The following LRRC7 variants were observed in gnomAD, a reference collection of about 807,000 sequenced individuals.
LRRC7 encodes the protein leucine-rich repeat-containing protein 7.
In LRRC7, 23 loss-of-function variants were observed where a neutral mutation model predicts 175.7. The ratio of observed to expected loss-of-function variants is 0.13; its 90% CI spans 0.09 to 0.19. The LOEUF (loss-of-function observed/expected upper bound fraction) is 0.19. Ranked by LOEUF, LRRC7 falls within the 10% of genes least tolerant of loss-of-function variation. The pLI, the probability that LRRC7 is intolerant of heterozygous loss-of-function variation, is 1.00. For synonymous variants in LRRC7, 685 were observed against 680.9 expected (o/e 1.01, Z -0.09); for missense variants, 1,354 against 1,904.7 (o/e 0.71, Z 5.38).
At chr1:69,581,363 A>G (rs1646194107) in intron 1 of LRRC7, among the ~76,000 whole-genome samples, 3 of 152,316 alleles carry the variant, frequency 2.0e-5, no homozygotes, top group Admixed American at 2.0e-4. Flanking sequence ...GGAAATGGAA[A>G]GAGATAGATG....
chr1:69,848,949 A>T (rs1216479462), intron 7 of LRRC7, among the ~76,000 whole-genome samples: 2 of 152,052 alleles, frequency 1.3e-5, no homozygotes, highest in Non-Finnish European at 2.9e-5. Context: ...TCATTTTCTT[A>T]CCAAACTAAT....
intron 1 of LRRC7, among the ~76,000 whole-genome samples, chr1:69,570,679 GT>G (rs1286158079): frequency 1.3e-5 from 2 of 150,678 alleles, no homozygotes; most frequent in African/African-American, 5.0e-5. Context: ...TTTGTTTGTT[GT>G]TTTTTGTTTG....
At position 70,038,303 on chromosome 1, in the gene LRRC7, G is replaced by T; in HGVS notation, c.2479G>T (p.Ala827Ser). The T allele has an allele frequency of 1.9e-6, 3 of 1,614,120 alleles. No homozygotes were observed. The highest frequency in any genetic ancestry group is 2.2e-5 in the South Asian group (2 of 91,080). The part of the protein sequence containing the change: ...FVAEETTAEN[A>S]NSNPLLSSKS... ...TGCTGAGGAAACCACAGCCGAGAATGCCAACAGTAATCCTCTCTTAAGTTC... is the reference window on the plus strand; with the variant it reads ...TGCTGAGGAAACCACAGCCGAGAATTCCAACAGTAATCCTCTCTTAAGTTC... Residue 827 changes from alanine to serine, a missense_variant, in exon 21 of 27, where the codon GCC becomes TCC. Ala to Ser is a moderately conservative substitution (Grantham distance 99). Transcript: ENST00000651989.
chr1:69,803,777 C>T (rs908737931), intron 4 of LRRC7, among the ~76,000 whole-genome samples: 2 of 151,146 alleles, frequency 1.3e-5, no homozygotes, highest in African/African-American at 4.8e-5. Context: ...CTTCATCATA[C>T]TGTTTTTTTA....
chr1:70,113,083 G>A (rs930727354), intron 26 of LRRC7, among the ~76,000 whole-genome samples: 2 of 152,174 alleles, frequency 1.3e-5, no homozygotes, highest in African/African-American at 4.8e-5. Flanking sequence ...TCAAGGCTCA[G>A]AATGGGAGAG....
intron 2 of LRRC7, among the ~76,000 whole-genome samples, chr1:69,699,824 G>A (rs1448151857): frequency 6.6e-6 from 1 of 152,152 alleles, no homozygotes. Context: ...ATGCAGCCGG[G>A]TAGCCTCGCA....
intron 7 of LRRC7, among the ~76,000 whole-genome samples, chr1:69,886,184 G>T (rs1038314360): frequency 1.7e-4 from 26 of 151,994 alleles, no homozygotes; most frequent in African/African-American, 6.3e-4. Context: ...TTAACTTTCT[G>T]TCTCGTTTAT....
intron 7 of LRRC7, among the ~76,000 whole-genome samples, chr1:69,894,088 CAAGA>C (rs1012158830): frequency 1.6e-4 from 24 of 152,206 alleles, no homozygotes; most frequent in African/African-American, 5.5e-4. Context: ...ATTGATTTTT[CAAGA>C]AATAGTGATC....
intron 3 of LRRC7, among the ~76,000 whole-genome samples, chr1:69,772,164 T>A (rs1282425463): frequency 6.6e-6 from 1 of 151,466 alleles, no homozygotes; most frequent in Non-Finnish European, 1.5e-5. Flanking sequence ...GAAAATAAAA[T>A]AAAGGAGGGG....
chr1:69,720,402 A>C (rs1179322995), intron 2 of LRRC7, among the ~76,000 whole-genome samples: 1 of 151,682 alleles, frequency 6.6e-6, no homozygotes, highest in Non-Finnish European at 1.5e-5. Flanking sequence ...TTTTAACTCC[A>C]TCTTGTGCCA....
chr1:69,756,046 A>G (rs1670388295), intron 2 of LRRC7, among the ~76,000 whole-genome samples: 1 of 151,950 alleles, frequency 6.6e-6, no homozygotes, highest in Non-Finnish European at 1.5e-5. Context: ...TCTGTAGTTA[A>G]TATCTTCTGA....
At chr1:70,102,019 C>A (rs1482183893) in intron 25 of LRRC7, among the ~76,000 whole-genome samples, 1 of 152,164 alleles carries the variant, frequency 6.6e-6, no homozygotes, top group African/African-American at 2.4e-5. Context: ...GAGGGAAAGC[C>A]ATTGTGCTTT....
At position 69,825,782 on chromosome 1, in the gene LRRC7, T is replaced by C; in HGVS notation, c.456T>C (p.Cys152=). 1 of 1,606,642 alleles carries C rather than the reference T, an allele frequency of 6.2e-7. No homozygotes were observed. The highest frequency in any genetic ancestry group is 2.2e-5 in the East Asian group (1 of 44,484). Reference sequence around the variant, plus strand: ...AATTTCCAGAAAACATAAAGTGCTGTAAGTGTTTAACAATTATTGAAGCCA... The same window carrying C: ...AATTTCCAGAAAACATAAAGTGCTGCAAGTGTTTAACAATTATTGAAGCCA... ...VQEFPENIKC[C]KCLTIIEASV... is the part of the protein sequence containing the mutation. Residue 152 remains cysteine (C), a synonymous_variant, in exon 5 of 27, where the codon TGT becomes TGC. Transcript: ENST00000651989.
At chr1:69,838,456 T>C in intron 7 of LRRC7, 173 bp downstream of exon 7, 1 of 562,394 alleles carries the variant, frequency 1.8e-6, no homozygotes, top group Non-Finnish European at 3.2e-6. Context: ...CATGAGAATG[T>C]ATTCTGTTTT....
In LRRC7 at chr1:69,614,436, G is replaced by A. The variant is rs551040431; in HGVS notation, c.2+45795G>A. Among the ~76,000 whole-genome samples the A allele has an allele frequency of 3.9e-5, 6 of 152,020 alleles. No individual in the cohort carries two copies. In the South Asian group the frequency reaches 1.2e-3, roughly 32 times the overall value. On this transcript the variant is annotated intron_variant, in intron 1 of 26. Transcript: ENST00000651989. ...CTGGAGTACATGATAACTGTGTATC[G>A]CTATTTTCTTTGCCACTAAAACTGA...
intron 1 of LRRC7, among the ~76,000 whole-genome samples, chr1:69,677,734 T>C (rs1659971097): frequency 6.6e-6 from 1 of 152,142 alleles, no homozygotes; most frequent in Non-Finnish European, 1.5e-5. Context: ...ATAATTACTC[T>C]TTAGTCGATA....
intron 3 of LRRC7, among the ~76,000 whole-genome samples, chr1:69,787,492 G>A (rs1285150547): frequency 6.6e-6 from 1 of 152,188 alleles, no homozygotes; most frequent in African/African-American, 2.4e-5. Context: ...TGGGTATCCA[G>A]GCATTTTCAT....
chr1:69,931,684 T>A, intron 8 of LRRC7, 114 bp downstream of exon 8: 1 of 828,588 alleles, frequency 1.2e-6, no homozygotes, highest in Non-Finnish European at 1.9e-6. Context: ...TTGCTAAATG[T>A]AAAAGTAAAA....
chr1:70,058,122 G>A (rs549360627), intron 23 of LRRC7, among the ~76,000 whole-genome samples: 23 of 151,388 alleles, frequency 1.5e-4, no homozygotes, highest in African/African-American at 3.9e-4. Flanking sequence ...TGATTCGCGC[G>A]CCTCACCCTC....
Sources: gnomAD v4.1 joint callset for allele counts (sites outside exome capture counted in the v4.1 genomes callset) on GRCh38, gnomAD v4.1.1 for gene constraint, MANE v1.5 for transcripts, NCBI Gene and HGNC (gene_info 2026-07-23, HGNC 2026-07-21) for gene names.